NCALD: variants seen among roughly 807,000 people sequenced by gnomAD.
The protein encoded by NCALD is neurocalcin delta, also known as neurocalcin-delta.
In NCALD, 10 loss-of-function variants were observed where a neutral mutation model predicts 18.6. The ratio of observed to expected loss-of-function variants is 0.54; its 90% CI spans 0.33 to 0.91. The LOEUF is 0.91. NCALD is among the 40% of genes least tolerant of loss of function. The pLI, the probability that NCALD is intolerant of heterozygous loss-of-function variation, is 0.03. For missense variants in NCALD, 184 were observed against 247.6 expected (o/e 0.74, Z 1.72); for synonymous variants, 88 against 87.4 (o/e 1.01, Z -0.04).
chr8:102,113,602 C>T (rs981737178), intron 1 of NCALD, among the ~76,000 whole-genome samples: 1 of 152,270 alleles, frequency 6.6e-6, no homozygotes, highest in African/African-American at 2.4e-5. Flanking sequence ...GCCTTAAGTC[C>T]CACTTAAGTA....
At chr8:102,000,458 G>A (rs1821410978) in intron 2 of NCALD, among the ~76,000 whole-genome samples, 1 of 152,186 alleles carries the variant, frequency 6.6e-6, no homozygotes, top group South Asian at 2.1e-4. Flanking sequence ...TGGGGGTGGG[G>A]CATAGCCAAA....
intron 1 of NCALD, among the ~76,000 whole-genome samples, chr8:101,754,354 C>T (rs1187030382): frequency 6.6e-6 from 1 of 152,128 alleles, no homozygotes; most frequent in Non-Finnish European, 1.5e-5. Flanking sequence ...TCTATTGGTG[C>T]TGCTATAACA....
chr8:101,809,693 C>T (rs911578385), intron 4 of NCALD, among the ~76,000 whole-genome samples: 4 of 152,030 alleles, frequency 2.6e-5, no homozygotes, highest in Admixed American at 1.3e-4. Context: ...AACAGGCATG[C>T]GCCACCACAC....
At chr8:101,818,455 T>C (rs549047591) in intron 4 of NCALD, among the ~76,000 whole-genome samples, 3 of 152,082 alleles carry the variant, frequency 2.0e-5, no homozygotes, top group Non-Finnish European at 2.9e-5. Context: ...ACAGGTGGAG[T>C]TACATATTCA....
At chr8:101,891,195 A>T (rs1816861503) in intron 3 of NCALD, among the ~76,000 whole-genome samples, 1 of 152,146 alleles carries the variant, frequency 6.6e-6, no homozygotes, top group South Asian at 2.1e-4. Context: ...TGTTACCACC[A>T]CTACAATCAA....
At chr8:101,730,947 G>A (rs1459275423) in intron 1 of NCALD, among the ~76,000 whole-genome samples, 3 of 152,220 alleles carry the variant, frequency 2.0e-5, no homozygotes, top group African/African-American at 7.2e-5. Flanking sequence ...GGTAGATGAA[G>A]ATGTGCCACG....
At chr8:101,858,237 G>A (rs2131357796) in intron 4 of NCALD, among the ~76,000 whole-genome samples, 1 of 152,256 alleles carries the variant, frequency 6.6e-6, no homozygotes, top group Admixed American at 6.5e-5. Flanking sequence ...AAAATGGAAA[G>A]CAGTTTCACA....
intron 2 of NCALD, among the ~76,000 whole-genome samples, chr8:101,969,042 C>T (rs542833479): frequency 1.3e-5 from 2 of 152,278 alleles, no homozygotes; most frequent in African/African-American, 4.8e-5. Flanking sequence ...TTGGTTCAGC[C>T]TTAAACCATC....
intron 1 of NCALD, among the ~76,000 whole-genome samples, chr8:102,069,413 CTTGAT>C (rs1234274603): frequency 2.6e-5 from 4 of 152,138 alleles, no homozygotes; most frequent in African/African-American, 9.7e-5. Flanking sequence ...AAACAATACT[CTTGAT>C]TTGATGCTGA....
At chr8:102,120,612 A>G (rs566098611) in intron 1 of NCALD, among the ~76,000 whole-genome samples, 28 of 152,356 alleles carry the variant, frequency 1.8e-4, no homozygotes, top group African/African-American at 5.8e-4. Context: ...TTGAGGCCTG[A>G]ATCAGGCCAT....
chr8:102,045,463 T>C (rs1263783765), intron 1 of NCALD, among the ~76,000 whole-genome samples: 2 of 152,234 alleles, frequency 1.3e-5, no homozygotes, highest in African/African-American at 4.8e-5. Flanking sequence ...AACTGAATTA[T>C]ATAAAGCATT....
chr8:101,942,532 T>C (rs1818996641), intron 2 of NCALD, among the ~76,000 whole-genome samples: 7 of 152,040 alleles, frequency 4.6e-5, no homozygotes, highest in Admixed American at 4.6e-4. Flanking sequence ...TGTTGGGCAA[T>C]AACAAATAAA....
At chr8:101,950,944 A>C (rs1280971355) in intron 2 of NCALD, among the ~76,000 whole-genome samples, 1 of 152,200 alleles carries the variant, frequency 6.6e-6, no homozygotes, top group Non-Finnish European at 1.5e-5. Flanking sequence ...CAAGTACTAA[A>C]CACTACAGTG....
At chr8:102,101,132 C>T (rs1436858004) in intron 1 of NCALD, among the ~76,000 whole-genome samples, 1 of 152,192 alleles carries the variant, frequency 6.6e-6, no homozygotes, top group Non-Finnish European at 1.5e-5. Context: ...GACATATGGG[C>T]ACGTGAAGCC....
chr8:102,045,924 AT>A (rs1179773231), intron 1 of NCALD, among the ~76,000 whole-genome samples: 1 of 152,202 alleles, frequency 6.6e-6, no homozygotes, highest in Non-Finnish European at 1.5e-5. Flanking sequence ...ACCAATGTTT[AT>A]TGAGCCTATA....
chr8:102,074,943 T>G lies in NCALD; in HGVS notation c.-210+49294A>C, dbSNP rs182330953. Among the ~76,000 whole-genome samples the G allele has an allele frequency of 1.4e-3, 208 of 152,318 alleles. 2 individuals are homozygous for G. The highest frequency in any genetic ancestry group is 4.7e-3 in the African/African-American group (194 of 41,562). ...TGTACTGCTCCATCATTTCTTCTCA[T>G]GTATGGCTTCTTTTCCATAAGGTGA... On this transcript the variant is annotated intron_variant, in intron 1 of 6. Transcript: ENST00000311028.
At chr8:101,692,515 T>G (rs1814775875) in intron 3 of NCALD, 2 of 985,438 alleles carry the variant, frequency 2.0e-6, no homozygotes, top group African/African-American at 1.7e-5. Flanking sequence ...GGTTTCTTGG[T>G]TCCTTTCATT....
At chr8:101,818,939 G>C (rs1049688010) in intron 4 of NCALD, among the ~76,000 whole-genome samples, 1 of 152,192 alleles carries the variant, frequency 6.6e-6, no homozygotes, top group Non-Finnish European at 1.5e-5. Context: ...GGGAGGCAGA[G>C]GTTACAGTGA....
At chr8:101,946,113 C>T (rs1445703171) in intron 2 of NCALD, among the ~76,000 whole-genome samples, 1 of 152,066 alleles carries the variant, frequency 6.6e-6, no homozygotes, top group Non-Finnish European at 1.5e-5. Context: ...TAAAGCAAAG[C>T]TCCGTCTTCA....
Sources: allele counts gnomAD v4.1 joint callset (sites outside exome capture counted in the v4.1 genomes callset), GRCh38; gene constraint gnomAD v4.1.1; transcripts MANE v1.5; gene names NCBI Gene and HGNC (gene_info 2026-07-23, HGNC 2026-07-21).